The following HLCS variants were observed in gnomAD, a reference collection of about 807,000 sequenced individuals.
The protein encoded by HLCS is holocarboxylase synthetase.
In HLCS, 53 loss-of-function variants were observed where a neutral mutation model predicts 75.0. That is an observed-to-expected ratio of 0.71 (90% CI 0.57 to 0.89). The LOEUF is 0.89. Among genes scored for constraint, HLCS ranks in the 40% least tolerant of loss-of-function variants. The pLI is 0.00. For missense variants in HLCS, 966 were observed against 1,074.0 expected, an observed-to-expected ratio of 0.90 and a Z score of 1.41; for synonymous variants, 431 against 428.6, an observed-to-expected ratio of 1.01 and a Z score of -0.07.
At chr21:36,782,393 T>A (rs1388331072) in intron 6 of HLCS, among the ~76,000 whole-genome samples, 1 of 152,132 alleles carries the variant, frequency 6.6e-6, no homozygotes, top group Non-Finnish European at 1.5e-5. Flanking sequence ...TTGCAGCACA[T>A]GGGTAGTAAG....
At chr21:36,899,156 A>G (rs952642166) in intron 5 of HLCS, among the ~76,000 whole-genome samples, 2 of 152,202 alleles carry the variant, frequency 1.3e-5, no homozygotes, top group Non-Finnish European at 2.9e-5. Flanking sequence ...CCCCCAAAAT[A>G]CATAAAGTAA....
chr21:36,778,191 G>C (rs555900968), intron 6 of HLCS, among the ~76,000 whole-genome samples: 3 of 152,154 alleles, frequency 2.0e-5, no homozygotes, highest in Admixed American at 6.5e-5. Flanking sequence ...GGATGGTCTT[G>C]ATCTCCTGCC....
In HLCS at chr21:36,937,189, C is replaced by A. The variant is rs777427282; in HGVS notation, c.697G>T (p.Ala233Ser). The change falls in exon 4 of 11, where the codon GCT becomes TCT. Residue 233 changes from alanine (A) to serine (S), a missense_variant. Physicochemically the swap from Ala to Ser is moderately conservative, Grantham distance 99 (BLOSUM62 1). Coordinates refer to ENST00000674895, the MANE Select transcript of HLCS (RefSeq NM_001352514.2). Reference protein sequence around the residue: ...RRGSASGSEPAGDSDRGGGPV... With the variant: ...RRGSASGSEPSGDSDRGGGPV... Reference sequence around the variant, plus strand: ...CCCCCTCCCCTGTCACTGTCCCCAGCAGGCTCACTCCCAGAGGCACTGCCT... The same window carrying A: ...CCCCCTCCCCTGTCACTGTCCCCAGAAGGCTCACTCCCAGAGGCACTGCCT... The A allele has an allele frequency of 1.9e-6, 3 of 1,614,210 alleles. No homozygotes were observed. The highest frequency in any genetic ancestry group is 1.3e-5 in the African/African-American group (1 of 75,052).
chr21:36,912,763 C>G (rs2065774801), intron 5 of HLCS, among the ~76,000 whole-genome samples: 3 of 152,114 alleles, frequency 2.0e-5, no homozygotes, highest in African/African-American at 7.2e-5. Flanking sequence ...TAGCCACCCC[C>G]CCCAACCCCT....
intron 2 of HLCS, among the ~76,000 whole-genome samples, chr21:36,951,673 G>A (rs781381996): frequency 1.3e-5 from 2 of 152,162 alleles, no homozygotes; most frequent in Non-Finnish European, 2.9e-5. Flanking sequence ...GCATATAACA[G>A]GCACTCAATA....
intron 6 of HLCS, among the ~76,000 whole-genome samples, chr21:36,811,790 C>T (rs1356597858): frequency 1.3e-5 from 2 of 152,196 alleles, no homozygotes; most frequent in Non-Finnish European, 2.9e-5. Context: ...GTGACCTCAC[C>T]TGCTATTGAA....
intron 6 of HLCS, among the ~76,000 whole-genome samples, chr21:36,878,409 A>C (rs1270224318): frequency 1.3e-5 from 2 of 152,170 alleles, no homozygotes; most frequent in African/African-American, 4.8e-5. Context: ...TTCTAATTTT[A>C]AAAGGAAATT....
chr21:36,920,458 C>CACA (rs1476076100), intron 5 of HLCS, among the ~76,000 whole-genome samples: 3 of 151,824 alleles, frequency 2.0e-5, no homozygotes, highest in African/African-American at 7.3e-5. Context: ...TATTTGATAG[C>CACA]ACAACAGGGT....
At chr21:36,963,071 C>T (rs1005078856) in intron 1 of HLCS, among the ~76,000 whole-genome samples, 2 of 152,114 alleles carry the variant, frequency 1.3e-5, no homozygotes, top group Non-Finnish European at 2.9e-5. Context: ...CATATGCAGA[C>T]GCAATCAGAC....
At chr21:36,900,212 C>T (rs2065180309) in intron 5 of HLCS, among the ~76,000 whole-genome samples, 1 of 152,098 alleles carries the variant, frequency 6.6e-6, no homozygotes, top group African/African-American at 2.4e-5. Context: ...GACAAGAAAG[C>T]ACAGAAGAGA....
chr21:36,767,125 G>A, intron 7 of HLCS, 93 bp downstream of exon 7: 1 of 1,214,010 alleles, frequency 8.2e-7, no homozygotes, highest in Non-Finnish European at 1.2e-6. Context: ...TCCCCCAGAT[G>A]ATCAGCACAC....
At chr21:36,775,741 T>C (rs1266146428) in intron 6 of HLCS, among the ~76,000 whole-genome samples, 1 of 151,964 alleles carries the variant, frequency 6.6e-6, no homozygotes, top group East Asian at 1.9e-4. Context: ...TGGTGGAGAG[T>C]GTCCACAGCC....
At chr21:36,981,114 A>G (rs1028962433) in intron 1 of HLCS, 2 of 152,278 alleles carry the variant, frequency 1.3e-5, no homozygotes, top group African/African-American at 4.8e-5. Context: ...AACTGCTTGT[A>G]AAGGTTGTAC....
chr21:36,767,399 G>C, intron 6 of HLCS, 114 bp from the exon 7 acceptor site: 1 of 1,020,358 alleles, frequency 9.8e-7, no homozygotes, highest in Non-Finnish European at 1.6e-6. Context: ...GGCCATGGAA[G>C]GGCCAACTTT....
At chr21:36,903,935 T>C (rs558350758) in intron 5 of HLCS, among the ~76,000 whole-genome samples, 181 of 152,132 alleles carry the variant, frequency 1.2e-3, no homozygotes, top group Middle Eastern at 3.4e-3. Context: ...GGTGGCTTTA[T>C]AAGAAGAGAA....
chr21:36,802,412 C>G (rs2061233475), intron 6 of HLCS, among the ~76,000 whole-genome samples: 1 of 152,236 alleles, frequency 6.6e-6, no homozygotes, highest in Non-Finnish European at 1.5e-5. Context: ...TTTTCTGTGT[C>G]ATAAACATTC....
intron 1 of HLCS, among the ~76,000 whole-genome samples, chr21:36,981,264 GTTAT>G (rs1366677453): frequency 6.6e-6 from 1 of 152,122 alleles, no homozygotes; most frequent in Non-Finnish European, 1.5e-5. Flanking sequence ...CTCCTGATGG[GTTAT>G]TTGATGAAGG....
At chr21:36,866,764 C>T (rs2063570277) in intron 6 of HLCS, among the ~76,000 whole-genome samples, 1 of 151,894 alleles carries the variant, frequency 6.6e-6, no homozygotes, top group South Asian at 2.1e-4. Flanking sequence ...TAAATTGATG[C>T]TAAATTGGGT....
chr21:36,920,470 A>G (rs1304962717), intron 5 of HLCS, among the ~76,000 whole-genome samples: 1 of 152,180 alleles, frequency 6.6e-6, no homozygotes, highest in Non-Finnish European at 1.5e-5. Flanking sequence ...CAACAGGGTG[A>G]CTACAGTTAA....
Sources: gnomAD v4.1 joint callset for allele counts (sites outside exome capture counted in the v4.1 genomes callset) on GRCh38, gnomAD v4.1.1 for gene constraint, MANE v1.5 for transcripts, NCBI Gene and HGNC (gene_info 2026-07-23, HGNC 2026-07-21) for gene names.